KCNAB1: variants seen among roughly 807,000 people sequenced by gnomAD.
KCNAB1 encodes potassium voltage-gated channel subfamily A regulatory beta subunit 1, also known as voltage-gated potassium channel subunit beta-1.
Under a neutral mutation model 64.6 loss-of-function variants are expected in KCNAB1, and 35 were observed. The observed-to-expected ratio is 0.54, with a 90% CI of 0.41 to 0.72. The LOEUF (loss-of-function observed/expected upper bound fraction) is 0.72. Ranked by LOEUF, KCNAB1 falls within the 30% of genes least tolerant of loss-of-function variation. KCNAB1 has a pLI of 0.00. For synonymous variants in KCNAB1, 177 were observed against 183.8 expected, an observed-to-expected ratio of 0.96 and a Z score of 0.30; for missense variants, 401 against 512.9, an observed-to-expected ratio of 0.78 and a Z score of 2.11.
chr3:156,328,013 A>G (rs1367356951), intron 1 of KCNAB1, among the ~76,000 whole-genome samples: 1 of 151,968 alleles, frequency 6.6e-6, no homozygotes, highest in Non-Finnish European at 1.5e-5. Flanking sequence ...TATGCTCCCT[A>G]CACCTGCCCA....
chr3:156,344,394 C>A (rs1166680930), intron 1 of KCNAB1, among the ~76,000 whole-genome samples: 1 of 152,208 alleles, frequency 6.6e-6, no homozygotes, highest in African/African-American at 2.4e-5. Flanking sequence ...GCTGCTGCTG[C>A]TGACTGCCTA....
At chr3:156,435,531 T>G (rs1716529277) in intron 2 of KCNAB1, among the ~76,000 whole-genome samples, 1 of 152,090 alleles carries the variant, frequency 6.6e-6, no homozygotes, top group African/African-American at 2.4e-5. Flanking sequence ...GTCAGGCAGG[T>G]GCAATGAAAG....
At chr3:156,386,982 T>G (rs1157929563) in intron 1 of KCNAB1, among the ~76,000 whole-genome samples, 5 of 150,924 alleles carry the variant, frequency 3.3e-5, no homozygotes, top group African/African-American at 1.2e-4. Flanking sequence ...CTTGCTTGCT[T>G]GCTTTCTCTT....
intron 1 of KCNAB1, among the ~76,000 whole-genome samples, chr3:156,336,045 T>C (rs1246084383): frequency 6.6e-6 from 1 of 152,176 alleles, no homozygotes; most frequent in Non-Finnish European, 1.5e-5. Flanking sequence ...TTTAACTTAA[T>C]TTTTGGAATC....
chr3:156,202,948 ATTGTAT>A (rs60780807), intron 1 of KCNAB1, among the ~76,000 whole-genome samples: 84,112 of 151,624 alleles, frequency 0.55, 24,166 homozygotes, highest in East Asian at 0.9. Flanking sequence ...ATTTGCAAAA[ATTGTAT>A]TTGTAGTTTT....
Position 156,493,664 on chromosome 3 carries a change from G to A in KCNAB1, c.658+18844G>A, listed in dbSNP as rs578143139. ...TATCCTTTTCTGGCCAAGATCACAC[G>A]TTGTAGCTACTCATCATGTGTCTTT... On this transcript the variant is annotated intron_variant, in intron 8 of 13. Coordinates refer to ENST00000490337, the MANE Select transcript of KCNAB1 (RefSeq NM_172160.3). Among the ~76,000 whole-genome samples the A allele has an allele frequency of 8.5e-5, 13 of 152,158 alleles. No individual in the cohort carries two copies. In the East Asian group the frequency reaches 2.1e-3, roughly 25 times the overall value.
chr3:156,399,902 T>C (rs998869733), intron 1 of KCNAB1, among the ~76,000 whole-genome samples: 12 of 152,192 alleles, frequency 7.9e-5, no homozygotes, highest in Middle Eastern at 3.2e-3. Context: ...AACTCTTCCT[T>C]TGGACTTTTG....
At chr3:156,395,247 A>G (rs1326811326) in intron 1 of KCNAB1, among the ~76,000 whole-genome samples, 4 of 151,446 alleles carry the variant, frequency 2.6e-5, no homozygotes, top group Non-Finnish European at 5.9e-5. Flanking sequence ...TGCAGTCTCA[A>G]AATCAGACAT....
rs202032013 is a variant in KCNAB1, at chr3:156,120,857, C to T, written c.246C>T (p.Thr82=). The T allele has an allele frequency of 5.7e-4, 925 of 1,614,174 alleles. 7 individuals carry two copies. In the South Asian group the frequency reaches 7.6e-3, roughly 13 times the overall value. ...LKLCDLSSEH[T]TVCTTGMPHR... ...TCTGCGACCTGTCCAGCGAGCACAC[C>T]ACCGTCTGCACCACAGGCATGCCGC... is the stretch of plus-strand genomic sequence containing the variant. Residue 82 remains threonine, a synonymous_variant, in exon 1 of 14, where the codon ACC becomes ACT. Coordinates refer to ENST00000490337, the MANE Select transcript of KCNAB1 (RefSeq NM_172160.3).
At chr3:156,284,846 A>G (rs1030773271) in intron 1 of KCNAB1, among the ~76,000 whole-genome samples, 1 of 152,170 alleles carries the variant, frequency 6.6e-6, no homozygotes, top group African/African-American at 2.4e-5. Flanking sequence ...GCGCGCACCC[A>G]CTGACCTGCG....
chr3:156,395,500 C>G (rs1331767705), intron 1 of KCNAB1, among the ~76,000 whole-genome samples: 5 of 129,568 alleles, frequency 3.9e-5, no homozygotes, highest in South Asian at 2.5e-4. Context: ...AGCCGAGATC[C>G]CGCCACTGCA....
chr3:156,474,668 C>A (rs1714202878), intron 7 of KCNAB1, 66 bp from the exon 8 acceptor site: 4 of 1,173,422 alleles, frequency 3.4e-6, no homozygotes, highest in South Asian at 2.7e-5. Flanking sequence ...TGAAAGAAAC[C>A]AAACTTCAAC....
In KCNAB1 at chr3:156,289,872, C is replaced by T. The variant is rs968295835; in HGVS notation, c.276-131744C>T. The stretch of plus-strand genomic sequence containing the variant: ...GTCAGACCAGCTATTTTTTTAATCA[C>T]GTAGATAGATTGTGTGTCCTGTCCA... On this transcript the variant is annotated intron_variant, in intron 1 of 13. Transcript: ENST00000490337. Among the ~76,000 whole-genome samples, 10 of 152,080 alleles carry T rather than the reference C, an allele frequency of 6.6e-5. 1 individual carries two copies. The highest frequency in any genetic ancestry group is 2.1e-4 in the South Asian group (1 of 4,830).
chr3:156,361,220 C>A (rs1725591423), intron 1 of KCNAB1, among the ~76,000 whole-genome samples: 1 of 152,126 alleles, frequency 6.6e-6, no homozygotes, highest in South Asian at 2.1e-4. Flanking sequence ...CAGACCAAGC[C>A]CCTCCTACTC....
At chr3:156,326,597 C>T (rs990203107) in intron 1 of KCNAB1, among the ~76,000 whole-genome samples, 1 of 152,152 alleles carries the variant, frequency 6.6e-6, no homozygotes, top group African/African-American at 2.4e-5. Flanking sequence ...CTTATCACTA[C>T]TCTCCCTATT....
rs775349158 is a variant in KCNAB1, at chr3:156,455,530, CATCTT to C, written c.358-1920_358-1916del. ...TAAAATAATGATGAGAGCATATTAA[CATCTT>C]ATAGCACTTAATTTTCGGAGTTTTA... On this transcript the variant is annotated intron_variant, in intron 3 of 13. Coordinates refer to ENST00000490337, the MANE Select transcript of KCNAB1 (RefSeq NM_172160.3). 1.5e-3 allele frequency among the ~76,000 whole-genome samples: 228 copies of C among 152,196 alleles called. 1 individual carries two copies. Among genetic ancestry groups the C allele is most frequent in the Non-Finnish European group, 2.8e-3 (191 of 68,028 alleles).
Position 156,367,667 on chromosome 3 carries a change from G to A in KCNAB1, c.276-53949G>A, listed in dbSNP as rs539907201. Among the ~76,000 whole-genome samples the A allele has an allele frequency of 3.3e-5, 5 of 152,266 alleles. No individual in the cohort carries two copies. In the South Asian group the frequency reaches 1.0e-3, roughly 32 times the overall value. ...TCTTAACAAATTGCCAAATGGAAAT[G>A]GCTATAGCAGCAACATTGTGCAGGA... On this transcript the variant is annotated intron_variant, in intron 1 of 13. Coordinates refer to ENST00000490337, the MANE Select transcript of KCNAB1 (RefSeq NM_172160.3).
chr3:156,295,817 G>A (rs777454735), intron 1 of KCNAB1, among the ~76,000 whole-genome samples: 19 of 152,100 alleles, frequency 1.2e-4, no homozygotes, highest in Non-Finnish European at 2.4e-4. Context: ...AGGGTATTTA[G>A]GGTACACATT....
intron 1 of KCNAB1, among the ~76,000 whole-genome samples, chr3:156,356,631 C>T (rs1560214263): frequency 6.6e-6 from 1 of 152,148 alleles, no homozygotes; most frequent in Non-Finnish European, 1.5e-5. Flanking sequence ...TTTCTCTGGG[C>T]TTTCTGTACA....
Sources: gnomAD v4.1 joint callset for allele counts (sites outside exome capture counted in the v4.1 genomes callset) on GRCh38, gnomAD v4.1.1 for gene constraint, MANE v1.5 for transcripts, NCBI Gene and HGNC (gene_info 2026-07-23, HGNC 2026-07-21) for gene names.